The following HEATR1 variants were observed in gnomAD, a reference collection of about 807,000 sequenced individuals.
HEATR1 encodes the protein HEAT repeat containing 1, also known as HEAT repeat-containing protein 1.
HEATR1 carries 77 observed loss-of-function variants against 248.2 expected under a neutral mutation model. That is an observed-to-expected ratio of 0.31 (90% confidence interval 0.26 to 0.37). The LOEUF is 0.37. Among genes scored for constraint, HEATR1 ranks in the 10% least tolerant of loss-of-function variants. The pLI, the probability that HEATR1 is intolerant of heterozygous loss-of-function variation, is 1.00. For synonymous variants in HEATR1, 897 were observed against 923.1 expected (o/e 0.97, Z 0.51); for missense variants, 2,420 against 2,504.9 (o/e 0.97, Z 0.72).
At position 236,549,803 on chromosome 1, in the gene HEATR1, A is replaced by G. The variant is rs1457088407; in HGVS notation, c.*1099T>C. On this transcript the variant is annotated 3_prime_UTR_variant, in exon 45 of 45. Transcript: ENST00000366582. The stretch of plus-strand genomic sequence containing the variant: ...ATCATTCCTTGTAAGTCTTAAGTTC[A>G]TTTTCATTTTACGTGGAGGAAAAAA... 1 of 152,166 alleles carries G rather than the reference A, an allele frequency of 6.6e-6. No homozygotes were observed. Among genetic ancestry groups the G allele is most frequent in the East Asian group, 1.9e-4 (1 of 5,200 alleles). 9.4% of individuals were successfully genotyped at this position (152,166 alleles called of 1,614,324 possible). A position where few individuals can be genotyped will look rare whatever the true frequency, so the allele number is the denominator to read the frequency against.
chr1:236,588,476 C>T (rs549316479), intron 12 of HEATR1, among the ~76,000 whole-genome samples: 1 of 152,204 alleles, frequency 6.6e-6, no homozygotes, highest in East Asian at 1.9e-4. Flanking sequence ...AACAGGTTTG[C>T]TAATAAATAA....
rs1472623568 is a variant in HEATR1 at position 236,557,244 on chromosome 1, T to C, written c.5306A>G (p.Glu1769Gly). 1.9e-6 allele frequency: 3 copies of C among 1,614,184 alleles called. No homozygotes were observed. The highest frequency in any genetic ancestry group is 2.7e-5 in the African/African-American group (2 of 75,056). The part of the protein sequence containing the change: ...SALAALQKVV[E>G]TLPHFISPYL... ...GGGGCTGATGAAGTGCGGGAGAGTC[T>C]CCACAACCTTCTGCAGAGCAGCCAA... Residue 1769 changes from glutamate to glycine, a missense_variant, in exon 37 of 45, where the codon GAG becomes GGG. Physicochemically the swap from Glu to Gly is moderately conservative, Grantham distance 98. Coordinates refer to ENST00000366582, the MANE Select transcript of HEATR1 (RefSeq NM_018072.6).
At chr1:236,558,078 A>T (rs933208663) in intron 36 of HEATR1, among the ~76,000 whole-genome samples, 159 bp downstream of exon 36, 3 of 152,116 alleles carry the variant, frequency 2.0e-5, no homozygotes, top group Admixed American at 6.5e-5. Context: ...TGGTGGGATC[A>T]CAGCCGTGAG....
At chr1:236,601,541 G>A (rs1664324271) in intron 3 of HEATR1, among the ~76,000 whole-genome samples, 1 of 152,144 alleles carries the variant, frequency 6.6e-6, no homozygotes, top group Admixed American at 6.5e-5. Context: ...GGTGGCTCAT[G>A]CCTGTAACCC....
At position 236,592,628 on chromosome 1, in the gene HEATR1, A is replaced by G; in HGVS notation, c.1199T>C (p.Leu400Pro). The stretch of plus-strand genomic sequence containing the variant: ...ACTATATGAAATATACTCTTCAAAT[A>G]GAAGGCTGTAAAAAAAAAAACAGAA... Reference protein sequence around the residue: ...NNLDHLLASLLFEEYISYSSQ... With the variant: ...NNLDHLLASLPFEEYISYSSQ... Residue 400 changes from leucine to proline, a missense_variant, in exon 10 of 45, where the codon CTA (leucine) becomes CCA (proline). Coordinates refer to ENST00000366582, the MANE Select transcript of HEATR1 (RefSeq NM_018072.6). The G allele has an allele frequency of 7.9e-7, 1 of 1,272,802 alleles. No individual in the cohort carries two copies. The highest frequency in any genetic ancestry group is 1.1e-6 in the Non-Finnish European group (1 of 904,740). 78.8% of individuals were successfully genotyped at this position (1,272,802 alleles called of 1,614,324 possible).
chr1:236,601,776 G>A (rs895365321), intron 3 of HEATR1, among the ~76,000 whole-genome samples: 14 of 151,856 alleles, frequency 9.2e-5, no homozygotes, highest in African/African-American at 3.1e-4. Flanking sequence ...GATCGAGTGG[G>A]CCACGATCAC....
In HEATR1 at chr1:236,557,365, T is replaced by G; in HGVS notation, c.5205-20A>C. The G allele has an allele frequency of 6.2e-7, 1 of 1,611,008 alleles. No homozygotes were observed. The highest frequency in any genetic ancestry group is 8.5e-7 in the Non-Finnish European group (1 of 1,177,874). The stretch of plus-strand genomic sequence containing the variant: ...ATCAGGCTAGAAACAAAGTAAGAGC[T>G]TTAGAAGAACTTGAAGCAGAAACAG... On this transcript the variant is annotated intron_variant, in intron 36 of 44. Transcript: ENST00000366582.
chr1:236,565,771 T>C (rs1303969014), intron 31 of HEATR1, 148 bp downstream of exon 31: 13 of 755,280 alleles, frequency 1.7e-5, no homozygotes, highest in Non-Finnish European at 2.3e-5. Context: ...CTATTTTCCA[T>C]AAGGATTCAA....
chr1:236,597,886 A>G lies in HEATR1; in HGVS notation c.595T>C (p.Ser199Pro). ...TGAAACAGACTGCTCACCTTCACAG[A>G]TTTTGTCACCAAACTGCAAATGAAA... is the stretch of plus-strand genomic sequence containing the variant. ...MDFICSLVTK[S>P]VKVFAEYPGS... The change falls in exon 5 of 45, where the codon TCT (serine) becomes CCT (proline). Residue 199 changes from serine to proline, a missense_variant. Physicochemically the swap from Ser to Pro is moderately conservative, Grantham distance 74. Coordinates refer to ENST00000366582, the MANE Select transcript of HEATR1 (RefSeq NM_018072.6). 6.2e-7 allele frequency: 1 copy of G among 1,611,506 alleles called. No homozygotes were observed. Among genetic ancestry groups the G allele is most frequent in the Non-Finnish European group, 8.5e-7 (1 of 1,177,956 alleles).
intron 20 of HEATR1, 98 bp downstream of exon 20, chr1:236,581,124 A>AT (rs35257076): frequency 0.58 from 553,732 of 956,554 alleles, 154,203 homozygotes; most frequent in Non-Finnish European, 0.62. Flanking sequence ...GCCCTCTGCT[A>AT]TTTTTTTTTA....
rs1410513432 is a variant in HEATR1 at position 236,587,983 on chromosome 1, T to C, written c.1591A>G (p.Ile531Val). 5.6e-6 allele frequency: 9 copies of C among 1,612,330 alleles called. No homozygotes were observed. The highest frequency in any genetic ancestry group is 7.6e-6 in the Non-Finnish European group (9 of 1,179,126). ...CTTATAGCCGACAAAACAACATCTA[T>C]ATTATCATCACCTAATCGGGCTAAA... Reference protein sequence around the residue: ...AVLARLGDDNIDVVLSAISAF... With the variant: ...AVLARLGDDNVDVVLSAISAF... Residue 531 changes from isoleucine (I) to valine (V), a missense_variant, in exon 13 of 45, where the codon ATA (isoleucine) becomes GTA (valine). Physicochemically the swap from Ile to Val is conservative, Grantham distance 29 (BLOSUM62 3). Coordinates refer to ENST00000366582, the MANE Select transcript of HEATR1 (RefSeq NM_018072.6).
intron 9 of HEATR1, among the ~76,000 whole-genome samples, chr1:236,593,579 TAA>T (rs1491534755): frequency 2.1e-5 from 2 of 94,812 alleles, no homozygotes; most frequent in African/African-American, 8.9e-5. Context: ...AGTTGCCCAT[TAA>T]GAGAAAAAAA....
chr1:236,587,400 A>AC lies in HEATR1; in HGVS notation c.1715+1dup. 1 of 1,431,974 alleles carries AC rather than the reference A, an allele frequency of 7.0e-7. No individual in the cohort carries two copies. The highest frequency in any genetic ancestry group is 9.6e-7 in the Non-Finnish European group (1 of 1,044,948). 88.7% of individuals were successfully genotyped at this position (1,431,974 alleles called of 1,614,324 possible). ...ATAGTATGAGGAGAAATGAATACAT[A>AC]CCATTCTCCATTCTTTGAAAGTTCT... On this transcript the variant is annotated splice_donor_variant, in intron 14 of 44. Coordinates refer to ENST00000366582, the MANE Select transcript of HEATR1 (RefSeq NM_018072.6). LOFTEE classifies it high-confidence loss of function.
rs765975943 is a variant in HEATR1 at position 236,596,003 on chromosome 1, G to A, written c.786C>T (p.Tyr262=). ...SSLPDYRAAT[Y]MIICQISVKV... ...TCACAGAAATCTGACATATTATCAT[G>A]TATGTTGCAGCTCTGTAATCTGGTA... Residue 262 remains tyrosine, a synonymous_variant, in exon 7 of 45, where the codon TAC becomes TAT. Transcript: ENST00000366582. 1 of 1,613,484 alleles carries A rather than the reference G, an allele frequency of 6.2e-7. No homozygotes were observed. Among genetic ancestry groups the A allele is most frequent in the East Asian group, 2.2e-5 (1 of 44,848 alleles).
Position 236,592,574 on chromosome 1 carries a change from A to G in HEATR1, c.1253T>C (p.Val418Ala), listed in dbSNP as rs1369126985. The G allele has an allele frequency of 6.5e-7, 1 of 1,527,168 alleles. No homozygotes were observed. Among genetic ancestry groups the G allele is most frequent in the African/African-American group, 1.4e-5 (1 of 73,652 alleles). The allele number at this position is 1,527,168 out of a possible 1,614,324, so 94.6% of individuals were successfully genotyped here. ...SSQEEMDSNK[V>A]SLLNEQFLPL... is the part of the protein sequence containing the mutation. ...AAGAAATTGTTCATTAAGCAAAGAC[A>G]CTTTATTAGAATCCATTTCTTCCTG... is the stretch of plus-strand genomic sequence containing the variant. Residue 418 changes from valine to alanine, a missense_variant, in exon 10 of 45, where the codon GTG (valine) becomes GCG (alanine). Transcript: ENST00000366582.
chr1:236,603,557 C>G (rs911764535), intron 2 of HEATR1, among the ~76,000 whole-genome samples, 181 bp from the exon 3 acceptor site: 1 of 150,280 alleles, frequency 6.7e-6, no homozygotes, highest in African/African-American at 2.4e-5. Flanking sequence ...CCTATCTCAT[C>G]TACTAGAACA....
rs774747413 is a variant in HEATR1 at position 236,603,397 on chromosome 1, G to A, written c.143-21C>T. Reference sequence around the variant, plus strand: ...ACATCCTAAATTTCAAAAAAGGCCAGTTTATTTAACAATTCTTCGTAAGCA... The same window carrying A: ...ACATCCTAAATTTCAAAAAAGGCCAATTTATTTAACAATTCTTCGTAAGCA... On this transcript the variant is annotated intron_variant, in intron 2 of 44. Coordinates refer to ENST00000366582, the MANE Select transcript of HEATR1 (RefSeq NM_018072.6). The A allele has an allele frequency of 2.5e-6, 4 of 1,596,816 alleles. No homozygotes were observed. The East Asian group carries it at 8.9e-5, about 36-fold the overall frequency.
At chr1:236,571,899 C>T (rs559814108) in intron 26 of HEATR1, among the ~76,000 whole-genome samples, 4 of 152,268 alleles carry the variant, frequency 2.6e-5, no homozygotes, top group African/African-American at 7.2e-5. Context: ...TCAAATTCCA[C>T]GTCCTCTCTA....
Position 236,576,200 on chromosome 1 carries a change from CCACTT to C in HEATR1, c.3084+14_3084+18del. ...TAGTAACATCACAGGAATGTACAAT[CCACTT>C]AAATGGCACATACCTCACCGTTGAC... On this transcript the variant is annotated intron_variant, in intron 22 of 44. Transcript: ENST00000366582. The C allele has an allele frequency of 1.3e-6, 2 of 1,561,732 alleles. No homozygotes were observed. The highest frequency in any genetic ancestry group is 1.7e-6 in the Non-Finnish European group (2 of 1,159,116).
Sources: gnomAD v4.1 joint callset for allele counts (sites outside exome capture counted in the v4.1 genomes callset) on GRCh38, gnomAD v4.1.1 for gene constraint, MANE v1.5 for transcripts, NCBI Gene and HGNC (gene_info 2026-07-23, HGNC 2026-07-21) for gene names.